Variants in ADAMTSL1 observed in about 807,000 individuals in gnomAD.
The protein encoded by ADAMTSL1 is ADAMTS like 1, also known as ADAMTS-like protein 1.
Under a neutral mutation model 201.8 loss-of-function variants are expected in ADAMTSL1, and 126 were observed. That is an observed-to-expected ratio of 0.62 (90% CI 0.54 to 0.72). The LOEUF is 0.72. Ranked by LOEUF, ADAMTSL1 falls within the 30% of genes least tolerant of loss-of-function variation. The pLI, the probability that ADAMTSL1 is intolerant of heterozygous loss-of-function variation, is 0.00. For missense variants in ADAMTSL1, 2,679 were observed against 2,277.8 expected (o/e 1.18, Z -3.59); for synonymous variants, 1,121 against 903.4 (o/e 1.24, Z -4.32).
intron 2 of ADAMTSL1, among the ~76,000 whole-genome samples, chr9:18,244,394 T>C (rs769257617): frequency 1.3e-5 from 2 of 152,112 alleles, no homozygotes; most frequent in Non-Finnish European, 2.9e-5. Context: ...CATTAAGGTA[T>C]ACATCCAACC....
chr9:18,052,286 A>G (rs1821973537), intron 1 of ADAMTSL1, among the ~76,000 whole-genome samples: 1 of 152,264 alleles, frequency 6.6e-6, no homozygotes. Context: ...TTTCACACTT[A>G]GGTAAATGCC....
At chr9:18,511,207 AC>A (rs1818003520) in intron 2 of ADAMTSL1, among the ~76,000 whole-genome samples, 1 of 152,036 alleles carries the variant, frequency 6.6e-6, no homozygotes, top group South Asian at 2.1e-4. Context: ...GTCTTCTGAG[AC>A]CTTTTTTACT....
intron 7 of ADAMTSL1, among the ~76,000 whole-genome samples, chr9:18,654,102 A>C (rs905780054): frequency 6.6e-6 from 1 of 152,198 alleles, no homozygotes; most frequent in Non-Finnish European, 1.5e-5. Context: ...GGTGGTGGAC[A>C]CCTATAATAC....
At chr9:18,870,278 T>C (rs1157640395) in intron 23 of ADAMTSL1, among the ~76,000 whole-genome samples, 3 of 152,228 alleles carry the variant, frequency 2.0e-5, no homozygotes, top group Non-Finnish European at 4.4e-5. Context: ...TAGTGGTTTT[T>C]GATTATTCTT....
chr9:18,083,120 T>C (rs1475708975), intron 1 of ADAMTSL1, among the ~76,000 whole-genome samples: 2 of 152,216 alleles, frequency 1.3e-5, no homozygotes, highest in African/African-American at 4.8e-5. Flanking sequence ...AAAGACTTTT[T>C]ATTTTGAGGA....
chr9:18,586,839 A>G (rs960650031), intron 4 of ADAMTSL1, among the ~76,000 whole-genome samples: 1 of 152,256 alleles, frequency 6.6e-6, no homozygotes, highest in African/African-American at 2.4e-5. Context: ...AACACAACCA[A>G]TGAGGAAAGG....
chr9:18,307,618 A>G (rs1833960039), intron 2 of ADAMTSL1, among the ~76,000 whole-genome samples: 1 of 152,196 alleles, frequency 6.6e-6, no homozygotes, highest in South Asian at 2.1e-4. Flanking sequence ...ATAATGGTAA[A>G]GGGATCAATT....
At chr9:18,637,470 G>A (rs1827175245) in intron 6 of ADAMTSL1, among the ~76,000 whole-genome samples, 1 of 152,152 alleles carries the variant, frequency 6.6e-6, no homozygotes. Flanking sequence ...GTAGATTTAA[G>A]AGGGAAATTT....
At chr9:18,289,176 C>CTATCAT (rs1563861628) in intron 2 of ADAMTSL1, among the ~76,000 whole-genome samples, 1 of 43,186 alleles carries the variant, frequency 2.3e-5, no homozygotes, top group East Asian at 5.3e-4. Flanking sequence ...TATCTATCTA[C>CTATCAT]CTACCTATCT....
At chr9:18,440,308 A>G (rs1819941130) in intron 2 of ADAMTSL1, among the ~76,000 whole-genome samples, 1 of 152,128 alleles carries the variant, frequency 6.6e-6, no homozygotes, top group Non-Finnish European at 1.5e-5. Flanking sequence ...TGAACAGAAC[A>G]CCCACAAAAA....
At chr9:18,320,710 G>A (rs951810401) in intron 2 of ADAMTSL1, among the ~76,000 whole-genome samples, 2 of 152,108 alleles carry the variant, frequency 1.3e-5, no homozygotes, top group Non-Finnish European at 2.9e-5. Flanking sequence ...TTAACACAAA[G>A]GATGAGAGAG....
intron 13 of ADAMTSL1, among the ~76,000 whole-genome samples, chr9:18,688,047 T>G (rs1354537758): frequency 1.3e-5 from 2 of 151,686 alleles, no homozygotes; most frequent in Non-Finnish European, 2.9e-5. Context: ...AACAGATTGG[T>G]TTGTTATGAC....
intron 1 of ADAMTSL1, among the ~76,000 whole-genome samples, chr9:18,163,582 A>G (rs558069931): frequency 6.6e-6 from 1 of 152,064 alleles, no homozygotes; most frequent in African/African-American, 2.4e-5. Context: ...ACCATATTGG[A>G]CCTGGCCACA....
intron 1 of ADAMTSL1, among the ~76,000 whole-genome samples, chr9:18,010,267 C>A (rs1429779710): frequency 1.8e-4 from 27 of 151,910 alleles, no homozygotes; most frequent in Admixed American, 1.8e-3. Context: ...AGAAAAATTG[C>A]CAGAAAACTT....
intron 2 of ADAMTSL1, among the ~76,000 whole-genome samples, chr9:18,392,777 T>C (rs983447501): frequency 2.0e-5 from 3 of 152,162 alleles, no homozygotes; most frequent in Non-Finnish European, 4.4e-5. Flanking sequence ...AAAAAAATAA[T>C]AATCTTCTTA....
intron 13 of ADAMTSL1, among the ~76,000 whole-genome samples, chr9:18,686,451 T>C (rs1830844118): frequency 6.6e-6 from 1 of 152,152 alleles, no homozygotes; most frequent in South Asian, 2.1e-4. Flanking sequence ...TGACAGGCCT[T>C]TTTGTTGCTG....
chr9:18,739,964 G>A (rs1282277392), intron 15 of ADAMTSL1, among the ~76,000 whole-genome samples: 1 of 151,368 alleles, frequency 6.6e-6, no homozygotes, highest in East Asian at 1.9e-4. Flanking sequence ...AATCACCCCT[G>A]CATCAATAGC....
At chr9:17,990,306 C>T (rs1009388834) in intron 1 of ADAMTSL1, among the ~76,000 whole-genome samples, 1 of 151,900 alleles carries the variant, frequency 6.6e-6, no homozygotes, top group Non-Finnish European at 1.5e-5. Flanking sequence ...TGTAGATGAC[C>T]ATTTATGTAC....
In ADAMTSL1 at chr9:18,012,044, C is replaced by T. The variant is rs181738617; in HGVS notation, c.87+105122C>T. 4.1e-4 allele frequency among the ~76,000 whole-genome samples: 62 copies of T among 152,134 alleles called. 2 individuals carry two copies. The South Asian group carries it at 6.8e-3, about 17-fold the overall frequency. ...ATTTGGCCTTCAGAGTAAGAAGGTT[C>T]CTTCCATTTCTAGAGAAAGAAACAG... is the stretch of plus-strand genomic sequence containing the variant. On this transcript the variant is annotated intron_variant, in intron 1 of 29. Transcript: ENST00000680146.
Sources: allele counts gnomAD v4.1 joint callset (sites outside exome capture counted in the v4.1 genomes callset), GRCh38; gene constraint gnomAD v4.1.1; transcripts MANE v1.5; gene names NCBI Gene and HGNC (gene_info 2026-07-23, HGNC 2026-07-21).